TBC1D25: variants seen among roughly 807,000 people sequenced by gnomAD.
TBC1D25 encodes the protein 5SN3 snoRNA.
TBC1D25 carries 13 observed loss-of-function variants against 38.8 expected under a neutral mutation model. The ratio of observed to expected loss-of-function variants is 0.34; its 90% CI spans 0.22 to 0.53. TBC1D25 has a LOEUF of 0.53. TBC1D25 is among the 20% of genes least tolerant of loss of function. The probability of loss-of-function intolerance (pLI) is 0.94; values close to 1 mark genes in which losing one functional copy is unlikely to be tolerated. For missense variants in TBC1D25, 372 were observed against 600.0 expected, an observed-to-expected ratio of 0.62 and a Z score of 3.97; for synonymous variants, 225 against 255.6, an observed-to-expected ratio of 0.88 and a Z score of 1.14.
Position 48,560,163 on chromosome X carries a change from G to A in TBC1D25, c.1255G>A (p.Ala419Thr), listed in dbSNP as rs782293331. The A allele has an allele frequency of 1.7e-6, 2 of 1,208,250 alleles. No homozygotes were observed. The highest frequency in any genetic ancestry group is 3.0e-5 in the East Asian group (1 of 33,704). ...GCTGCTGGAACTCAAGCGTGAGTTC[G>A]CCTTCGACGATGCCCTCCGCATGCT... ...WLLLELKREF[A>T]FDDALRMLEV... The change falls in exon 6 of 6, where the codon GCC (alanine) becomes ACC (threonine). Residue 419 changes from alanine to threonine, a missense_variant. Around this residue, in one of 2 missense-constraint regions of TBC1D25, gnomAD observed 312 missense variants for 549.3 expected, o/e 0.57. Coordinates refer to ENST00000376771, the MANE Select transcript of TBC1D25 (RefSeq NM_002536.4).
intron 2 of TBC1D25, among the ~76,000 whole-genome samples, chrX:48,542,026 C>CTTTTT (rs782768482): frequency 2.3e-5 from 2 of 87,861 alleles, no homozygotes; most frequent in Admixed American, 1.3e-4. Context: ...CTTTTTATTT[C>CTTTTT]TTTTTTTTTT....
rs192383586 is a variant in TBC1D25, at chrX:48,552,098, T to C, written c.389-6799T>C. Among the ~76,000 whole-genome samples, 290 of 112,301 alleles carry C rather than the reference T, an allele frequency of 2.6e-3. 1 individual carries two copies. The highest frequency in any genetic ancestry group is 8.7e-3 in the African/African-American group (270 of 30,984). The stretch of plus-strand genomic sequence containing the variant: ...AGGATTCTTTAATTTTTAACCTTTT[T>C]GTGTCACCTAGTTTTAGGTATGTCT... On this transcript the variant is annotated intron_variant, in intron 3 of 5. Transcript: ENST00000376771.
intron 2 of TBC1D25, among the ~76,000 whole-genome samples, chrX:48,542,550 C>T (rs1245731409): frequency 3.9e-5 from 4 of 103,355 alleles, no homozygotes; most frequent in East Asian, 3.0e-4. Flanking sequence ...TGCAGTGGTC[C>T]GATGTTGGCT....
In TBC1D25 at chrX:48,541,364, G is replaced by A. The variant is rs149106267; in HGVS notation, c.155G>A (p.Arg52His). The change falls in exon 2 of 6, where the codon CGC becomes CAC. Residue 52 changes from arginine to histidine, a missense_variant. Coordinates refer to ENST00000376771, the MANE Select transcript of TBC1D25 (RefSeq NM_002536.4). The part of the protein sequence containing the change: ...KCESFLPPEF[R>H]SFAVDPQITS... ...GAGAGCTTCTTGCCGCCAGAGTTCC[G>A]CTCTTTTGCTGTAGATCCCCAGATC... The A allele has an allele frequency of 6.4e-5, 77 of 1,209,956 alleles. No individual in the cohort carries two copies. The highest frequency in any genetic ancestry group is 8.6e-5 in the Non-Finnish European group (77 of 895,250).
At position 48,561,146 on chromosome X, in the gene TBC1D25, G is replaced by A. The variant is rs1485665036; in HGVS notation, c.*171G>A. 7.9e-6 allele frequency: 4 copies of A among 506,785 alleles called. No homozygotes were observed. The highest frequency in any genetic ancestry group is 1.2e-5 in the Non-Finnish European group (4 of 320,388). The allele number at this position is 506,785 out of a possible 1,213,427, so 41.8% of individuals were successfully genotyped here. Reference sequence around the variant, plus strand: ...TGGAGCTCTGCTTTGGCACTGCCCCGCAGAGGCCACGCCTATTTATTCTGT... The same window carrying A: ...TGGAGCTCTGCTTTGGCACTGCCCCACAGAGGCCACGCCTATTTATTCTGT... On this transcript the variant is annotated 3_prime_UTR_variant, in exon 6 of 6. Coordinates refer to ENST00000376771, the MANE Select transcript of TBC1D25 (RefSeq NM_002536.4).
rs1556986001 is a variant in TBC1D25 at position 48,560,577 on chromosome X, C to A, written c.1669C>A (p.Pro557Thr). 1 of 1,207,413 alleles carries A rather than the reference C, an allele frequency of 8.3e-7. No homozygotes were observed. The highest frequency in any genetic ancestry group is 3.0e-5 in the East Asian group (1 of 33,796). ...PDPLLSSFSHPDSPSSSSPPS... is the reference protein window; with the variant it reads ...PDPLLSSFSHTDSPSSSSPPS... ...CCCACTGCTCTCCTCCTTTTCCCAC[C>A]CTGATTCCCCATCTTCCTCATCTCC... Residue 557 changes from proline to threonine, a missense_variant, in exon 6 of 6, where the codon CCT becomes ACT. Coordinates refer to ENST00000376771, the MANE Select transcript of TBC1D25 (RefSeq NM_002536.4).
chrX:48,557,051 T>G (rs1602116832), intron 3 of TBC1D25, among the ~76,000 whole-genome samples: 1 of 93,348 alleles, frequency 1.1e-5, no homozygotes, highest in Non-Finnish European at 2.1e-5. Context: ...TATAGTAAGA[T>G]CCCATCTCTA....
At chrX:48,542,257 T>A (rs1172201973) in intron 2 of TBC1D25, among the ~76,000 whole-genome samples, 2 of 100,358 alleles carry the variant, frequency 2.0e-5, no homozygotes, top group African/African-American at 3.7e-5. Context: ...CAACCTCCGC[T>A]TCCCGGGTTC....
intron 2 of TBC1D25, among the ~76,000 whole-genome samples, chrX:48,543,727 AC>A (rs2061859659): frequency 9.3e-6 from 1 of 107,354 alleles, no homozygotes; most frequent in African/African-American, 3.4e-5. Context: ...TACTAAAAAT[AC>A]AAAAAATTCT....
chrX:48,547,494 A>G (rs781952184), intron 3 of TBC1D25, among the ~76,000 whole-genome samples: 2 of 111,995 alleles, frequency 1.8e-5, no homozygotes, highest in East Asian at 5.6e-4. Context: ...GAGACACAGT[A>G]GCACTATTTC....
At chrX:48,551,686 C>T (rs782574752) in intron 3 of TBC1D25, among the ~76,000 whole-genome samples, 5 of 106,540 alleles carry the variant, frequency 4.7e-5, no homozygotes, top group East Asian at 3.0e-4. Flanking sequence ...TGCAGTGGCG[C>T]GATCTCAGCT....
In TBC1D25 at chrX:48,559,890, G is replaced by A. The variant is rs2062008193; in HGVS notation, c.982G>A (p.Val328Met). The A allele has an allele frequency of 8.3e-7, 1 of 1,209,955 alleles. No individual in the cohort carries two copies. The highest frequency in any genetic ancestry group is 1.1e-6 in the Non-Finnish European group (1 of 895,225). Residue 328 changes from valine to methionine, a missense_variant, in exon 6 of 6, where the codon GTG becomes ATG. Physicochemically the swap from Val to Met is conservative, Grantham distance 21 (BLOSUM62 1). Coordinates refer to ENST00000376771, the MANE Select transcript of TBC1D25 (RefSeq NM_002536.4). ...CACCTATGCCGTTACCCACCCACAG[G>A]TGTCCTACTGCCAGGGCATGAGTGA... ...LTTYAVTHPQVSYCQGMSDLA... is the reference protein window; with the variant it reads ...LTTYAVTHPQMSYCQGMSDLA...
chrX:48,555,645 C>G (rs2061969539), intron 3 of TBC1D25, among the ~76,000 whole-genome samples: 1 of 111,058 alleles, frequency 9.0e-6, no homozygotes, highest in Admixed American at 9.6e-5. Context: ...AGGGTACCGG[C>G]ACACTCAGCA....
rs781842899 is a variant in TBC1D25 at position 48,559,242 on chromosome X, G to A, written c.601G>A (p.Asp201Asn). ...DVKPFKPPLS[D>N]AEFHTYLNHE... Reference sequence around the variant, plus strand: ...CAAGCCCTTCAAGCCACCCCTGAGCGATGCTGAGTTTCACACGTACCTGAA... The same window carrying A: ...CAAGCCCTTCAAGCCACCCCTGAGCAATGCTGAGTTTCACACGTACCTGAA... Residue 201 changes from aspartate (D) to asparagine (N), a missense_variant, in exon 5 of 6, where the codon GAT becomes AAT. Physicochemically the swap from Asp to Asn is conservative, Grantham distance 23 (BLOSUM62 1). Around this residue, in one of 2 missense-constraint regions of TBC1D25, gnomAD observed 312 missense variants for 549.3 expected, o/e 0.57. Transcript: ENST00000376771. 5 of 1,211,386 alleles carry A rather than the reference G, an allele frequency of 4.1e-6. No homozygotes were observed. Among genetic ancestry groups the A allele is most frequent in the Non-Finnish European group, 5.6e-6 (5 of 895,361 alleles).
At chrX:48,549,171 G>A (rs1456794869) in intron 3 of TBC1D25, among the ~76,000 whole-genome samples, 1 of 112,625 alleles carries the variant, frequency 8.9e-6, no homozygotes, top group East Asian at 2.8e-4. Flanking sequence ...AAGTAGCTGG[G>A]ACTACAGGTG....
In TBC1D25 at chrX:48,558,953, G is replaced by A. The variant is rs1556985098; in HGVS notation, c.445G>A (p.Val149Met). The A allele has an allele frequency of 1.2e-5, 15 of 1,209,798 alleles. No homozygotes were observed. The highest frequency in any genetic ancestry group is 3.5e-5 in the African/African-American group (2 of 57,142). The change falls in exon 4 of 6, where the codon GTG becomes ATG. Residue 149 changes from valine to methionine, a missense_variant. Val to Met is a conservative substitution (Grantham distance 21). Coordinates refer to ENST00000376771, the MANE Select transcript of TBC1D25 (RefSeq NM_002536.4). Reference sequence around the variant, plus strand: ...CCCCAAAGATGTCATTGGCTCCGACGTGTTGCTGGCTGAGAAACGGTCATC... The same window carrying A: ...CCCCAAAGATGTCATTGGCTCCGACATGTTGCTGGCTGAGAAACGGTCATC... ...ISPKDVIGSD[V>M]LLAEKRSSLT... is the part of the protein sequence containing the mutation.
rs1556979814 is a variant in TBC1D25 at position 48,540,019 on chromosome X, CATAA to C, written c.123+100_123+103del. On this transcript the variant is annotated intron_variant, in intron 1 of 5. Transcript: ENST00000376771. ...GGAGGGCGGGACCTGAGATTTCGGA[CATAA>C]CCTGAGCGGCGAAGCTTGAGGGCCA... 188 of 922,874 alleles carry C rather than the reference CATAA, an allele frequency of 2.0e-4. 1 individual carries two copies. The East Asian group carries it at 5.8e-3, about 29-fold the overall frequency. The allele number at this position is 922,874 out of a possible 1,213,427, so 76.1% of individuals were successfully genotyped here. A position where few individuals can be genotyped will look rare whatever the true frequency, so the allele number is the denominator to read the frequency against.
rs1556986147 is a variant in TBC1D25 at position 48,560,816 on chromosome X, T to C, written c.1908T>C (p.Asn636=). 2 of 1,212,065 alleles carry C rather than the reference T, an allele frequency of 1.7e-6. No homozygotes were observed. Among genetic ancestry groups the C allele is most frequent in the East Asian group, 3.0e-5 (1 of 33,823 alleles). The change falls in exon 6 of 6, where the codon AAT becomes AAC. Residue 636 remains asparagine, a synonymous_variant. Transcript: ENST00000376771. The part of the protein sequence containing the change: ...LLEHRDHIMR[N]GLDYNELAMH... Reference sequence around the variant, plus strand: ...AGCACCGCGACCACATCATGCGCAATGGGCTGGATTATAATGAGCTGGCCA... The same window carrying C: ...AGCACCGCGACCACATCATGCGCAACGGGCTGGATTATAATGAGCTGGCCA...
Position 48,552,952 on chromosome X carries a change from G to A in TBC1D25, c.389-5945G>A, listed in dbSNP as rs1299589703. ...TAACAGAAGCGCACCACCACACCCG[G>A]CTAGTTTTTTTATATTTGGTAGAGA... On this transcript the variant is annotated intron_variant, in intron 3 of 5. Coordinates refer to ENST00000376771, the MANE Select transcript of TBC1D25 (RefSeq NM_002536.4). 2.7e-5 allele frequency among the ~76,000 whole-genome samples: 3 copies of A among 109,247 alleles called. No homozygotes were observed. In the Admixed American group the frequency reaches 3.0e-4, roughly 11 times the overall value. 94.9% of individuals were successfully genotyped at this position (109,247 alleles called of 115,157 possible). A position where few individuals can be genotyped will look rare whatever the true frequency, so the allele number is the denominator to read the frequency against.
Sources: gnomAD v4.1 joint callset for allele counts (sites outside exome capture counted in the v4.1 genomes callset) on GRCh38, gnomAD v4.1.1 for gene constraint, gnomAD v4.1.1 regional missense constraint, MANE v1.5 for transcripts, NCBI Gene and HGNC (gene_info 2026-07-23, HGNC 2026-07-21) for gene names.